NRG3: variants seen among roughly 807,000 people sequenced by gnomAD.
NRG3 encodes pro-neuregulin-3, membrane-bound isoform.
Under a neutral mutation model 66.9 loss-of-function variants are expected in NRG3, and 31 were observed. That is an observed-to-expected ratio of 0.46 (90% CI 0.35 to 0.63). The LOEUF (loss-of-function observed/expected upper bound fraction) is 0.63, where lower values mean the gene tolerates loss of function less well. Ranked by LOEUF, NRG3 falls within the 20% of genes least tolerant of loss-of-function variation. The probability of loss-of-function intolerance (pLI) is 0.00; values close to 1 mark genes in which losing one functional copy is unlikely to be tolerated. For synonymous variants in NRG3, 393 were observed against 359.4 expected (o/e 1.09, Z -1.06); for missense variants, 910 against 878.9 (o/e 1.04, Z -0.45).
intron 3 of NRG3, among the ~76,000 whole-genome samples, chr10:82,790,685 C>G (rs1439100343): frequency 6.6e-6 from 1 of 151,914 alleles, no homozygotes; most frequent in Non-Finnish European, 1.5e-5. Context: ...CTTTCTCATC[C>G]TTCTAGGACT....
At chr10:82,805,936 T>C (rs867706254) in intron 3 of NRG3, among the ~76,000 whole-genome samples, 3 of 152,214 alleles carry the variant, frequency 2.0e-5, no homozygotes, top group Non-Finnish European at 4.4e-5. Context: ...TTGCTAAAAA[T>C]CTTTATTTTC....
intron 2 of NRG3, among the ~76,000 whole-genome samples, chr10:82,580,893 TTGTAAGTTTGTGTG>T (rs2046318402): frequency 7.9e-6 from 1 of 127,364 alleles, no homozygotes; most frequent in African/African-American, 3.3e-5. Context: ...GTATGTAAGT[TTGTAAGTTTGTGTG>T]TGTGTGTGTG....
rs181134861 is a variant in NRG3, at chr10:82,313,957, T to G, written c.824-44782T>G. Among the ~76,000 whole-genome samples, 876 of 152,302 alleles carry G rather than the reference T, an allele frequency of 5.8e-3. 6 individuals are homozygous for G. Among genetic ancestry groups the G allele is most frequent in the African/African-American group, 0.02 (815 of 41,586 alleles). On this transcript the variant is annotated intron_variant, in intron 1 of 8. Transcript: ENST00000372141. ...TCTCCTGTTTTAACCTGTCTTCTAT[T>G]AAAAAAGAAGTGAATTAAACTGTTT...
chr10:82,949,837 A>C (rs1177139600), intron 4 of NRG3, among the ~76,000 whole-genome samples: 1 of 152,126 alleles, frequency 6.6e-6, no homozygotes, highest in Non-Finnish European at 1.5e-5. Context: ...CCTGGGTGAC[A>C]GAGCAAGACT....
chr10:82,224,564 T>G (rs1041037543), intron 1 of NRG3, among the ~76,000 whole-genome samples: 3 of 152,218 alleles, frequency 2.0e-5, no homozygotes, highest in Admixed American at 1.3e-4. Context: ...TGCTTACTAA[T>G]TATTTGGTTG....
At chr10:82,579,310 A>T (rs2046217844) in intron 2 of NRG3, among the ~76,000 whole-genome samples, 1 of 151,892 alleles carries the variant, frequency 6.6e-6, no homozygotes, top group Non-Finnish European at 1.5e-5. Flanking sequence ...CACCTTAAAT[A>T]AAGGTAAAAT....
At chr10:82,384,131 A>G (rs1243745936) in intron 2 of NRG3, among the ~76,000 whole-genome samples, 2 of 152,112 alleles carry the variant, frequency 1.3e-5, no homozygotes, top group Non-Finnish European at 2.9e-5. Flanking sequence ...TTATATTAAT[A>G]TTGACAAACT....
chr10:82,829,758 A>G (rs1444239704), intron 3 of NRG3, among the ~76,000 whole-genome samples: 1 of 152,172 alleles, frequency 6.6e-6, no homozygotes, highest in Non-Finnish European at 1.5e-5. Flanking sequence ...TGTGATTACA[A>G]CTAACAGAGA....
At position 82,291,046 on chromosome 10, in the gene NRG3, G is replaced by A. The variant is rs1290791308; in HGVS notation, c.824-67693G>A. 2.6e-5 allele frequency among the ~76,000 whole-genome samples: 4 copies of A among 152,018 alleles called. No homozygotes were observed. In the East Asian group the frequency reaches 7.8e-4, roughly 29 times the overall value. Reference sequence around the variant, plus strand: ...ACACCTGGTTTCAATTGTTATACATGTTTTCTCAGCTAGTGCTATTGCAGT... The same window carrying A: ...ACACCTGGTTTCAATTGTTATACATATTTTCTCAGCTAGTGCTATTGCAGT... On this transcript the variant is annotated intron_variant, in intron 1 of 8. Coordinates refer to ENST00000372141, the MANE Select transcript of NRG3 (RefSeq NM_001010848.4).
chr10:82,193,869 G>A (rs1385211017), intron 1 of NRG3, among the ~76,000 whole-genome samples: 1 of 152,130 alleles, frequency 6.6e-6, no homozygotes, highest in East Asian at 1.9e-4. Context: ...AGGCTTAACG[G>A]CATTGACACT....
chr10:82,665,524 C>T (rs959842026), intron 2 of NRG3, among the ~76,000 whole-genome samples: 5 of 152,164 alleles, frequency 3.3e-5, no homozygotes, highest in Admixed American at 2.0e-4. Context: ...GCTGTGCTCT[C>T]AGAAAACTTT....
chr10:82,558,813 C>T (rs1463661028), intron 2 of NRG3, among the ~76,000 whole-genome samples: 1 of 152,046 alleles, frequency 6.6e-6, no homozygotes, highest in African/African-American at 2.4e-5. Context: ...GGTCTGCTTC[C>T]GAGCTTAACC....
At chr10:82,545,314 T>G (rs1014848392) in intron 2 of NRG3, among the ~76,000 whole-genome samples, 5 of 152,064 alleles carry the variant, frequency 3.3e-5, no homozygotes, top group Non-Finnish European at 7.4e-5. Context: ...ATTATTATAA[T>G]TCAAATAAGT....
intron 2 of NRG3, among the ~76,000 whole-genome samples, chr10:82,671,495 A>G (rs1027619803): frequency 6.6e-6 from 1 of 152,166 alleles, no homozygotes; most frequent in Non-Finnish European, 1.5e-5. Context: ...CTGAAGATAT[A>G]TGGAGCAGTG....
At chr10:82,716,199 G>A (rs994763560) in intron 2 of NRG3, among the ~76,000 whole-genome samples, 1 of 152,066 alleles carries the variant, frequency 6.6e-6, no homozygotes, top group South Asian at 2.1e-4. Context: ...ACAACGACAC[G>A]AAGACCTAAA....
At chr10:82,709,107 G>A (rs1244884944) in intron 2 of NRG3, among the ~76,000 whole-genome samples, 2 of 152,038 alleles carry the variant, frequency 1.3e-5, no homozygotes, top group East Asian at 1.9e-4. Context: ...TATTTAGAGC[G>A]GCTCTGTCCA....
chr10:82,297,835 T>C (rs1427647530), intron 1 of NRG3, among the ~76,000 whole-genome samples: 3 of 152,172 alleles, frequency 2.0e-5, no homozygotes, highest in Non-Finnish European at 4.4e-5. Flanking sequence ...AATGACAATA[T>C]TATTTTGTAT....
intron 4 of NRG3, among the ~76,000 whole-genome samples, chr10:82,870,035 A>T (rs544311364): frequency 9.2e-5 from 13 of 141,196 alleles, no homozygotes; most frequent in East Asian, 8.3e-4. Context: ...TTAATAGCTA[A>T]TTTTTTGTAT....
At chr10:82,049,670 A>T (rs2063495782) in intron 1 of NRG3, among the ~76,000 whole-genome samples, 1 of 152,062 alleles carries the variant, frequency 6.6e-6, no homozygotes, top group East Asian at 1.9e-4. Context: ...TCCAAACCCC[A>T]TGTTTTTCAA....
Sources: allele counts gnomAD v4.1 joint callset (sites outside exome capture counted in the v4.1 genomes callset), GRCh38; gene constraint gnomAD v4.1.1; transcripts MANE v1.5; gene names NCBI Gene and HGNC (gene_info 2026-07-23, HGNC 2026-07-21).